Variants in REPS2 observed in about 807,000 individuals in gnomAD.
REPS2 encodes the protein RALBP1 associated Eps domain containing 2, also known as ralBP1-associated Eps domain-containing protein 2.
In REPS2, 23 loss-of-function variants were observed where a neutral mutation model predicts 53.6. The ratio of observed to expected loss-of-function variants is 0.43; its 90% confidence interval spans 0.31 to 0.61. The LOEUF is 0.61. REPS2 is among the 20% of genes least tolerant of loss of function. The pLI is 0.11. For missense variants in REPS2, 446 were observed against 534.9 expected, an observed-to-expected ratio of 0.83 and a Z score of 1.64; for synonymous variants, 238 against 218.6, an observed-to-expected ratio of 1.09 and a Z score of -0.78.
At chrX:17,031,575 A>ATT (rs2061709328) in intron 5 of REPS2, among the ~76,000 whole-genome samples, 1 of 112,366 alleles carries the variant, frequency 8.9e-6, no homozygotes, top group African/African-American at 3.2e-5. Flanking sequence ...GTCATTAACC[A>ATT]AACCACCACA....
intron 1 of REPS2, among the ~76,000 whole-genome samples, chrX:16,990,284 G>T (rs1370827362): frequency 9.0e-6 from 1 of 111,369 alleles, no homozygotes; most frequent in Non-Finnish European, 1.9e-5. Context: ...GGTTGAGGGG[G>T]CAAGGGTTGG....
chrX:16,964,886 C>T (rs1284703476), intron 1 of REPS2, among the ~76,000 whole-genome samples: 2 of 79,316 alleles, frequency 2.5e-5, no homozygotes, highest in African/African-American at 5.1e-5. Context: ...CCTCACTTCC[C>T]GGACGGGGCG....
intron 10 of REPS2, among the ~76,000 whole-genome samples, chrX:17,068,939 G>C (rs1348236131): frequency 2.7e-5 from 3 of 112,013 alleles, no homozygotes. Context: ...ATGGAGCCCA[G>C]CTACAATTTT....
intron 5 of REPS2, among the ~76,000 whole-genome samples, chrX:17,037,274 GTTTCTTT>G (rs199695308): frequency 0.062 from 6,865 of 111,188 alleles, 226 homozygotes; most frequent in Non-Finnish European, 0.094. Context: ...TTTTCTACTT[GTTTCTTT>G]TTTCTTTTTT....
intron 14 of REPS2, among the ~76,000 whole-genome samples, chrX:17,107,955 A>T (rs1363901716): frequency 1.8e-5 from 2 of 111,199 alleles, no homozygotes; most frequent in Non-Finnish European, 3.8e-5. Flanking sequence ...TCGCTGTGTC[A>T]CCCAGACTGG....
At chrX:16,988,621 G>A (rs1187758196) in intron 1 of REPS2, among the ~76,000 whole-genome samples, 3 of 108,571 alleles carry the variant, frequency 2.8e-5, no homozygotes, top group South Asian at 4.1e-4. Flanking sequence ...ACCATGTTCC[G>A]GGTTTCAGGA....
At chrX:16,947,734 G>A (rs1336842740) in intron 1 of REPS2, among the ~76,000 whole-genome samples, 5 of 112,349 alleles carry the variant, frequency 4.5e-5, no homozygotes, top group Non-Finnish European at 1.9e-5. Flanking sequence ...GACTGCAAGA[G>A]GACGTTTGTC....
chrX:16,950,212 T>G (rs1299023666), intron 1 of REPS2, among the ~76,000 whole-genome samples: 1 of 111,895 alleles, frequency 8.9e-6, no homozygotes, highest in Non-Finnish European at 1.9e-5. Context: ...TATGGTTTGG[T>G]GGCTCATTTC....
At chrX:17,074,264 A>G in intron 12 of REPS2, 105 bp downstream of exon 12, 1 of 750,562 alleles carries the variant, frequency 1.3e-6, no homozygotes, top group Middle Eastern at 2.9e-4. Flanking sequence ...CTTCCTTTAG[A>G]TGTAAAGCTT....
At chrX:17,054,671 A>T in intron 7 of REPS2, 137 bp from the exon 8 acceptor site, 1 of 583,781 alleles carries the variant, frequency 1.7e-6, no homozygotes, top group Non-Finnish European at 2.6e-6. Context: ...AGAGATTTCA[A>T]ATGGATTTGG....
At chrX:17,099,530 C>T (rs1288988693) in intron 13 of REPS2, among the ~76,000 whole-genome samples, 1 of 111,898 alleles carries the variant, frequency 8.9e-6, no homozygotes, top group African/African-American at 3.2e-5. Flanking sequence ...TGCTTTTTCT[C>T]AGCAAAGTGC....
chrX:17,159,062 T>G, the REPS2 span, among the ~76,000 whole-genome samples: 5 of 111,992 alleles, frequency 4.5e-5, no homozygotes, highest in African/African-American at 1.6e-4. Context: ...TAAAGAATAT[T>G]TCAAAATATG....
chrX:17,050,132 T>C (rs1408475892), intron 6 of REPS2, among the ~76,000 whole-genome samples: 2 of 61,819 alleles, frequency 3.2e-5, no homozygotes, highest in African/African-American at 1.2e-4. Context: ...CTTTCTTTCT[T>C]CCTTTCTTCC....
At chrX:16,955,339 C>T (rs1256773363) in intron 1 of REPS2, among the ~76,000 whole-genome samples, 1 of 111,339 alleles carries the variant, frequency 9.0e-6, no homozygotes, top group Admixed American at 9.6e-5. Flanking sequence ...GATGGTCACC[C>T]CCTCTCTTGG....
intron 1 of REPS2, among the ~76,000 whole-genome samples, chrX:16,979,672 A>G (rs1216123608): frequency 8.9e-6 from 1 of 112,296 alleles, no homozygotes; most frequent in Non-Finnish European, 1.9e-5. Context: ...TGTACTCGGT[A>G]CAAAGCATTA....
At chrX:17,023,376 C>T (rs1016715459) in intron 3 of REPS2, among the ~76,000 whole-genome samples, 2 of 108,080 alleles carry the variant, frequency 1.9e-5, no homozygotes, top group Non-Finnish European at 3.8e-5. Context: ...TGCAGTGAGC[C>T]GAGATCACAT....
intron 12 of REPS2, among the ~76,000 whole-genome samples, chrX:17,076,691 T>A (rs541030758): frequency 6.3e-5 from 7 of 111,997 alleles, no homozygotes; most frequent in African/African-American, 2.3e-4. Flanking sequence ...TGCTATAGAT[T>A]GAGGAAGAAG....
intron 17 of REPS2, among the ~76,000 whole-genome samples, chrX:17,143,512 GTTGA>G (rs1198357617): frequency 9.2e-6 from 1 of 108,652 alleles, no homozygotes; most frequent in Non-Finnish European, 1.9e-5. Context: ...TTTTGTTGTC[GTTGA>G]TTATTTCCTC....
chrX:17,135,298 G>T lies in REPS2; in HGVS notation c.1700G>T (p.Arg567Leu), dbSNP rs1433808251. 1.7e-6 allele frequency: 2 copies of T among 1,211,228 alleles called. No homozygotes were observed. The highest frequency in any genetic ancestry group is 2.2e-5 in the Admixed American group (1 of 46,015). ...LYSQPPSKPI[R>L]RKFRPENQAT... ...TCTCAGCCACCATCAAAGCCCATTC[G>T]TAGGAAATTCAGACCAGAAAACCAA... The change falls in exon 16 of 18, where the codon CGT (arginine) becomes CTT (leucine). Residue 567 changes from arginine to leucine, a missense_variant. By Grantham distance (102) the Arg-to-Leu change is moderately radical (BLOSUM62 -2). Transcript: ENST00000357277.
Sources: gnomAD v4.1 joint callset for allele counts (sites outside exome capture counted in the v4.1 genomes callset) on GRCh38, gnomAD v4.1.1 for gene constraint, MANE v1.5 for transcripts, NCBI Gene and HGNC (gene_info 2026-07-23, HGNC 2026-07-21) for gene names.